The following CHRM2 variants were observed in gnomAD, a reference collection of about 807,000 sequenced individuals.
CHRM2 encodes the protein muscarinic acetylcholine receptor M2.
In CHRM2, 8 loss-of-function variants were observed where a neutral mutation model predicts 25.0. The ratio of observed to expected loss-of-function variants is 0.32; its 90% CI spans 0.19 to 0.58. CHRM2 has a LOEUF of 0.58. CHRM2 is among the 20% of genes least tolerant of loss of function. The probability of loss-of-function intolerance (pLI) is 0.88; values close to 1 mark genes in which losing one functional copy is unlikely to be tolerated. For missense variants in CHRM2, 440 were observed against 567.1 expected (o/e 0.78, Z 2.28); for synonymous variants, 202 against 205.7 (o/e 0.98, Z 0.15).
At chr7:136,974,545 C>G (rs1457497583) in intron 2 of CHRM2, among the ~76,000 whole-genome samples, 2 of 151,946 alleles carry the variant, frequency 1.3e-5, no homozygotes, top group Non-Finnish European at 2.9e-5. Context: ...GTAGAAGAAA[C>G]AGAATACACA....
At chr7:136,965,539 T>C (rs1672769397) in intron 2 of CHRM2, among the ~76,000 whole-genome samples, 1 of 152,028 alleles carries the variant, frequency 6.6e-6, no homozygotes, top group Non-Finnish European at 1.5e-5. Context: ...CACATAAAAT[T>C]TCAGGTCCAG....
intron 2 of CHRM2, among the ~76,000 whole-genome samples, chr7:136,986,596 G>C (rs1253402567): frequency 6.6e-6 from 1 of 152,112 alleles, no homozygotes; most frequent in Non-Finnish European, 1.5e-5. Flanking sequence ...TGGGCAATTA[G>C]CATCAACCAC....
chr7:136,943,840 A>T (rs1799910710), intron 2 of CHRM2, among the ~76,000 whole-genome samples: 1 of 152,168 alleles, frequency 6.6e-6, no homozygotes, highest in Non-Finnish European at 1.5e-5. Context: ...GGGAACGTGC[A>T]TATTTATAAA....
chr7:136,931,859 A>T (rs1799124489), intron 2 of CHRM2, among the ~76,000 whole-genome samples: 1 of 152,256 alleles, frequency 6.6e-6, no homozygotes, highest in African/African-American at 2.4e-5. Flanking sequence ...TATCTAGAAT[A>T]CACCTAAAAT....
rs193146510 is a variant in CHRM2, at chr7:136,885,374, G to T, written c.-125+15956G>T. ...CCTAAAAAGTAATTTAAATTTCAGGGGTATCATCTGTATAGCCACATAAAG... is the reference window on the plus strand; with the variant it reads ...CCTAAAAAGTAATTTAAATTTCAGGTGTATCATCTGTATAGCCACATAAAG... On this transcript the variant is annotated intron_variant, in intron 2 of 3. Transcript: ENST00000680005. Among the ~76,000 whole-genome samples, 4 of 152,104 alleles carry T rather than the reference G, an allele frequency of 2.6e-5. No individual in the cohort carries two copies. The East Asian group carries it at 7.7e-4, about 29-fold the overall frequency.
intron 2 of CHRM2, among the ~76,000 whole-genome samples, chr7:136,990,372 C>T (rs1417942589): frequency 6.6e-6 from 1 of 152,078 alleles, no homozygotes; most frequent in Admixed American, 6.6e-5. Flanking sequence ...TCCACCTATT[C>T]AGAACTCCAT....
chr7:136,968,721 A>AATATATATATAT (rs57962090), intron 2 of CHRM2, among the ~76,000 whole-genome samples: 219 of 142,454 alleles, frequency 1.5e-3, no homozygotes, highest in Middle Eastern at 3.7e-3. Context: ...TATTATCATA[A>AATATATATATAT]ATATATATAT....
chr7:136,986,284 C>T (rs930130435), intron 2 of CHRM2, among the ~76,000 whole-genome samples: 6 of 152,114 alleles, frequency 3.9e-5, no homozygotes, highest in African/African-American at 1.4e-4. Context: ...TCATCTTACT[C>T]CCTTTCCTTC....
At chr7:136,915,959 T>C (rs563395640) in intron 2 of CHRM2, among the ~76,000 whole-genome samples, 3 of 151,938 alleles carry the variant, frequency 2.0e-5, no homozygotes, top group African/African-American at 7.2e-5. Context: ...TTCATCTTTG[T>C]ATAAATTCTG....
At chr7:136,923,218 G>A (rs1798548423) in intron 2 of CHRM2, among the ~76,000 whole-genome samples, 1 of 150,856 alleles carries the variant, frequency 6.6e-6, no homozygotes, top group South Asian at 2.1e-4. Flanking sequence ...TAAAAGCCGA[G>A]GTCATAAATG....
intron 2 of CHRM2, among the ~76,000 whole-genome samples, chr7:136,896,953 A>G (rs1201491090): frequency 6.6e-6 from 1 of 152,052 alleles, no homozygotes; most frequent in Non-Finnish European, 1.5e-5. Context: ...AATTATCTGG[A>G]AAGAGGGAAG....
chr7:136,872,795 G>A (rs749220007), intron 2 of CHRM2, among the ~76,000 whole-genome samples: 18 of 152,172 alleles, frequency 1.2e-4, no homozygotes, highest in South Asian at 4.1e-4. Flanking sequence ...AAATGAAGAC[G>A]GAATGGGAGA....
At chr7:136,966,484 T>C (rs1157783218) in intron 2 of CHRM2, among the ~76,000 whole-genome samples, 1 of 151,906 alleles carries the variant, frequency 6.6e-6, no homozygotes, top group African/African-American at 2.4e-5. Flanking sequence ...AAGATTCCTT[T>C]GAATAAGGAG....
At chr7:136,947,568 G>T (rs935165317) in intron 2 of CHRM2, among the ~76,000 whole-genome samples, 1 of 152,144 alleles carries the variant, frequency 6.6e-6, no homozygotes, top group South Asian at 2.1e-4. Context: ...TTGGCCATCT[G>T]CCCAGGAGGC....
chr7:136,961,236 G>C (rs1441798691), intron 2 of CHRM2, among the ~76,000 whole-genome samples: 5 of 152,002 alleles, frequency 3.3e-5, no homozygotes, highest in African/African-American at 1.2e-4. Context: ...AACTACATGA[G>C]GTATTCAGCA....
chr7:137,017,281 A>C lies in CHRM2; in HGVS notation c.*1015A>C, dbSNP rs187131445. On this transcript the variant is annotated 3_prime_UTR_variant, in exon 4 of 4. Transcript: ENST00000680005. ...AGTCAGGTGAATTTTAAGATTAAAA[A>C]ATAGAAGTTTAGGACTTTCTATTTC... 53 of 152,118 alleles carry C rather than the reference A, an allele frequency of 3.5e-4. No individual in the cohort carries two copies. Among genetic ancestry groups the C allele is most frequent in the Admixed American group, 2.8e-3 (42 of 15,252 alleles). The allele number at this position is 152,118 out of a possible 1,614,324, so 9.4% of individuals were successfully genotyped here.
At chr7:136,872,430 G>A (rs1228120040) in intron 2 of CHRM2, among the ~76,000 whole-genome samples, 1 of 152,194 alleles carries the variant, frequency 6.6e-6, no homozygotes, top group Non-Finnish European at 1.5e-5. Flanking sequence ...TTGTCTTCAT[G>A]TTAAAAAACA....
chr7:136,881,494 T>C (rs930969769), intron 2 of CHRM2, among the ~76,000 whole-genome samples: 6 of 152,140 alleles, frequency 3.9e-5, no homozygotes, highest in South Asian at 4.1e-4. Flanking sequence ...ATTCTTGTTC[T>C]GTATTTTCTC....
intron 2 of CHRM2, among the ~76,000 whole-genome samples, chr7:136,913,956 C>T (rs964774085): frequency 6.6e-6 from 1 of 151,882 alleles, no homozygotes; most frequent in Non-Finnish European, 1.5e-5. Context: ...AGTGCCTTAC[C>T]CATTTGGTTA....
Sources: gnomAD v4.1 joint callset for allele counts (sites outside exome capture counted in the v4.1 genomes callset) on GRCh38, gnomAD v4.1.1 for gene constraint, MANE v1.5 for transcripts, NCBI Gene and HGNC (gene_info 2026-07-23, HGNC 2026-07-21) for gene names.